Variants in BCAT2 observed in about 807,000 individuals in gnomAD.
BCAT2 encodes the protein branched chain amino acid transaminase 2.
Under a neutral mutation model 52.9 loss-of-function variants are expected in BCAT2, and 44 were observed. The ratio of observed to expected loss-of-function variants is 0.83; its 90% CI spans 0.65 to 1.07. BCAT2 has a LOEUF of 1.07. Among genes scored for constraint, BCAT2 ranks in the 50% least tolerant of loss-of-function variants. BCAT2 has a pLI of 0.00. For synonymous variants in BCAT2, 215 were observed against 217.1 expected (o/e 0.99, Z 0.08); for missense variants, 478 against 521.8 (o/e 0.92, Z 0.82).
intron 10 of BCAT2, 108 bp downstream of exon 10, chr19:48,796,320 G>A (rs1384879831): frequency 5.1e-6 from 7 of 1,385,002 alleles, no homozygotes; most frequent in Non-Finnish European, 3.1e-6. Context: ...GCCATTATCT[G>A]TTCCTGGTAC....
chr19:48,800,721 A>C (rs1163751201), intron 3 of BCAT2, among the ~76,000 whole-genome samples: 1 of 152,078 alleles, frequency 6.6e-6, no homozygotes, highest in Non-Finnish European at 1.5e-5. Context: ...TGGTGGGAGG[A>C]TCACTTGAGC....
chr19:48,801,145 G>A (rs60718055), intron 3 of BCAT2, among the ~76,000 whole-genome samples: 28,501 of 151,452 alleles, frequency 0.19, 3,273 homozygotes, highest in East Asian at 0.32. Flanking sequence ...CCACCACCAC[G>A]CCCAGCTAAT....
At chr19:48,803,611 G>A (rs1048512783) in intron 3 of BCAT2, among the ~76,000 whole-genome samples, 8 of 152,212 alleles carry the variant, frequency 5.3e-5, no homozygotes, top group African/African-American at 1.9e-4. Flanking sequence ...ACTTTGGGAG[G>A]CCGAAGCAGG....
intron 2 of BCAT2, 47 bp from the exon 3 acceptor site, chr19:48,806,764 C>A (rs1378806508): frequency 6.3e-7 from 1 of 1,599,806 alleles, no homozygotes; most frequent in South Asian, 1.1e-5. Flanking sequence ...AACCTCCCAG[C>A]TGAAAAACTA....
chr19:48,796,250 G>C, intron 10 of BCAT2, 178 bp downstream of exon 10: 2 of 759,160 alleles, frequency 2.6e-6, no homozygotes, highest in Non-Finnish European at 4.2e-6. Flanking sequence ...TAGCCCCAAG[G>C]GGTTTTCCAG....
chr19:48,808,347 G>C, intron 1 of BCAT2: 1 of 765,818 alleles, frequency 1.3e-6, no homozygotes, highest in Non-Finnish European at 1.6e-6. Context: ...AAGAGAGTAA[G>C]AGATGGAAGA....
chr19:48,802,441 C>CT (rs35775607), intron 3 of BCAT2, among the ~76,000 whole-genome samples: 19,687 of 86,930 alleles, frequency 0.23, 2,489 homozygotes, highest in East Asian at 0.29. Flanking sequence ...TACTGGATTC[C>CT]TTTTTTTTTT....
At chr19:48,803,883 G>T (rs1357768733) in intron 3 of BCAT2, among the ~76,000 whole-genome samples, 1 of 152,202 alleles carries the variant, frequency 6.6e-6, no homozygotes, top group Non-Finnish European at 1.5e-5. Context: ...TTGGAGGCTG[G>T]GCGCCGTGGC....
chr19:48,796,722 C>T lies in BCAT2; in HGVS notation c.925-4G>A, dbSNP rs2034531223. 2 of 1,609,212 alleles carry T rather than the reference C, an allele frequency of 1.2e-6. No individual in the cohort carries two copies. The highest frequency in any genetic ancestry group is 1.7e-6 in the Non-Finnish European group (2 of 1,178,354). ...GCTCCACCACCCGGAACTCACCCTG[C>T]AGGGCAGTTGGCAGAGACACGTGTC... On this transcript the variant is annotated splice_region_variant and splice_polypyrimidine_tract_variant and intron_variant, in intron 8 of 10. Coordinates refer to ENST00000316273, the MANE Select transcript of BCAT2 (RefSeq NM_001190.4).
At chr19:48,803,075 G>A (rs937560543) in intron 3 of BCAT2, among the ~76,000 whole-genome samples, 1 of 152,176 alleles carries the variant, frequency 6.6e-6, no homozygotes, top group East Asian at 1.9e-4. Context: ...TGTGCCTGTA[G>A]TCCTAGCCAC....
At position 48,807,623 on chromosome 19, in the gene BCAT2, T is replaced by A; in HGVS notation, c.25-549A>T. The A allele has an allele frequency of 2.6e-6, 2 of 777,340 alleles. No individual in the cohort carries two copies. The highest frequency in any genetic ancestry group is 3.1e-6 in the Non-Finnish European group (2 of 639,138). The allele number at this position is 777,340 out of a possible 1,614,324, so 48.2% of individuals were successfully genotyped here. ...GTCCAGGCCTCAGACCCTCCTCCCT[T>A]ACATCCAGGAGTACAGGCCCCACCC... On this transcript the variant is annotated intron_variant, in intron 1 of 10. Transcript: ENST00000316273. The surrounding 1 kb of genome is among the most constrained non-coding windows in gnomAD (Gnocchi z 4.6).
At chr19:48,805,495 T>C (rs950854674) in intron 3 of BCAT2, among the ~76,000 whole-genome samples, 1 of 152,072 alleles carries the variant, frequency 6.6e-6, no homozygotes, top group African/African-American at 2.4e-5. Context: ...GGCCCTGACA[T>C]TTTCAGCCTC....
At chr19:48,804,259 T>C (rs1183783980) in intron 3 of BCAT2, among the ~76,000 whole-genome samples, 1 of 151,728 alleles carries the variant, frequency 6.6e-6, no homozygotes, top group Non-Finnish European at 1.5e-5. Flanking sequence ...TAATAAAAAA[T>C]AAGGCCAGGC....
chr19:48,808,142 G>A (rs976184942), intron 1 of BCAT2: 15 of 987,032 alleles, frequency 1.5e-5, no homozygotes, highest in Non-Finnish European at 1.8e-5. Context: ...TCTTGCTGGT[G>A]TGAGGCTCCA....
At chr19:48,806,951 G>T in intron 2 of BCAT2, 49 bp downstream of exon 2, 1 of 1,592,240 alleles carries the variant, frequency 6.3e-7, no homozygotes. Context: ...AAAACCAGCT[G>T]CCAGCCCCCT....
At chr19:48,805,193 G>A (rs187623634) in intron 3 of BCAT2, among the ~76,000 whole-genome samples, 58 of 152,168 alleles carry the variant, frequency 3.8e-4, no homozygotes, top group Admixed American at 7.2e-4. Context: ...GCTTTCAGCC[G>A]CAGCTATAAG....
At chr19:48,798,226 C>A (rs1188546108) in intron 6 of BCAT2, among the ~76,000 whole-genome samples, 1 of 152,170 alleles carries the variant, frequency 6.6e-6, no homozygotes, top group Non-Finnish European at 1.5e-5. Flanking sequence ...TCTGTTGTCA[C>A]CTCCTCGAGA....
intron 1 of BCAT2, chr19:48,808,396 A>AAC: frequency 5.5e-6 from 2 of 366,234 alleles, no homozygotes; most frequent in Non-Finnish European, 7.5e-6. Flanking sequence ...GGGGCGCACA[A>AAC]ACAGAAAAAA....
intron 1 of BCAT2, chr19:48,810,701 G>T (rs2034900320): frequency 1.5e-5 from 5 of 331,592 alleles, no homozygotes; most frequent in South Asian, 5.7e-5. Context: ...CCACCCCCAC[G>T]CCTCCCTCAT....
Sources: allele counts gnomAD v4.1 joint callset (sites outside exome capture counted in the v4.1 genomes callset), GRCh38; gene constraint gnomAD v4.1.1; non-coding constraint Gnocchi (gnomAD v3.1); transcripts MANE v1.5; gene names NCBI Gene and HGNC (gene_info 2026-07-23, HGNC 2026-07-21).